RAB10: variants seen among roughly 807,000 people sequenced by gnomAD.
RAB10 encodes RAB10, member RAS oncogene family, also known as ras-related protein Rab-10.
A neutral mutation model predicts 25.7 loss-of-function variants in RAB10; 5 were observed. That is an observed-to-expected ratio of 0.19 (90% CI 0.10 to 0.41). RAB10 has a LOEUF of 0.41. Ranked by LOEUF, RAB10 falls within the 10% of genes least tolerant of loss-of-function variation. The pLI is 1.00. For synonymous variants in RAB10, 89 were observed against 86.4 expected, an observed-to-expected ratio of 1.03 and a Z score of -0.16; for missense variants, 103 against 245.8, an observed-to-expected ratio of 0.42 and a Z score of 3.89.
At chr2:26,107,435 A>T (rs532119232) in intron 2 of RAB10, among the ~76,000 whole-genome samples, 1 of 152,318 alleles carries the variant, frequency 6.6e-6, no homozygotes, top group East Asian at 1.9e-4. Flanking sequence ...TTTACAAGCC[A>T]GTGTATCTGA....
intron 2 of RAB10, among the ~76,000 whole-genome samples, chr2:26,108,875 CTTTA>C (rs1193596210): frequency 2.3e-5 from 3 of 132,548 alleles, no homozygotes; most frequent in Admixed American, 7.9e-5. Flanking sequence ...GGGTCTTTTG[CTTTA>C]TATTTATTTA....
At chr2:26,056,156 G>A (rs750424162) in intron 1 of RAB10, among the ~76,000 whole-genome samples, 17 of 152,062 alleles carry the variant, frequency 1.1e-4, no homozygotes, top group Non-Finnish European at 1.8e-4. Context: ...CTCCCAAAGT[G>A]TTGGGATTAC....
At chr2:26,118,644 G>C (rs946236954) in intron 3 of RAB10, among the ~76,000 whole-genome samples, 1 of 152,154 alleles carries the variant, frequency 6.6e-6, no homozygotes, top group Admixed American at 6.6e-5. Context: ...GTCAAGGACA[G>C]TTTTACATTT....
At chr2:26,100,686 G>T (rs781527432) in intron 2 of RAB10, among the ~76,000 whole-genome samples, 1 of 151,908 alleles carries the variant, frequency 6.6e-6, no homozygotes, top group African/African-American at 2.4e-5. Context: ...TGTGTTTTTT[G>T]GTAACATAAT....
chr2:26,134,714 A>G lies in RAB10; in HGVS notation c.520-224A>G, dbSNP rs1668074066. Among the ~76,000 whole-genome samples, 5 of 152,244 alleles carry G rather than the reference A, an allele frequency of 3.3e-5. No individual in the cohort carries two copies. The South Asian group carries it at 1.0e-3, about 31-fold the overall frequency. ...AAGATTTCAGAAGCTTTATAAAGGC[A>G]TGCCAGGAAATGTCTACAATATTTC... is the stretch of plus-strand genomic sequence containing the variant. On this transcript the variant is annotated intron_variant, in intron 5 of 5. Transcript: ENST00000264710.
chr2:26,049,549 C>T (rs186247379), intron 1 of RAB10, among the ~76,000 whole-genome samples: 27 of 152,028 alleles, frequency 1.8e-4, no homozygotes, highest in African/African-American at 6.3e-4. Flanking sequence ...GGTGGGATTA[C>T]AGGCACGCAC....
intron 1 of RAB10, among the ~76,000 whole-genome samples, chr2:26,059,292 T>A (rs1464535333): frequency 6.6e-6 from 1 of 152,216 alleles, no homozygotes; most frequent in Non-Finnish European, 1.5e-5. Context: ...TTCATTCGAA[T>A]GTTTGAATAG....
At chr2:26,060,583 C>T (rs192448198) in intron 1 of RAB10, among the ~76,000 whole-genome samples, 6 of 152,276 alleles carry the variant, frequency 3.9e-5, no homozygotes, top group Admixed American at 1.3e-4. Flanking sequence ...CCAACGTGCC[C>T]GGCCTGTTCT....
chr2:26,097,087 C>T (rs984775195), intron 1 of RAB10, among the ~76,000 whole-genome samples: 34 of 152,034 alleles, frequency 2.2e-4, no homozygotes, highest in African/African-American at 8.0e-4. Flanking sequence ...CATGGTGGCT[C>T]GTGCCTGTGG....
Position 26,128,037 on chromosome 2 carries a change from A to C in RAB10, c.519+86A>C. On this transcript the variant is annotated intron_variant, in intron 5 of 5. Transcript: ENST00000264710. ...ATTCTGAAGTACTGGATTTACATACAGAATTTGAGTTTGGGTGGTATTGTT... is the reference window on the plus strand; with the variant it reads ...ATTCTGAAGTACTGGATTTACATACCGAATTTGAGTTTGGGTGGTATTGTT... 11 of 1,190,384 alleles carry C rather than the reference A, an allele frequency of 9.2e-6. 1 individual carries two copies. In the South Asian group the frequency reaches 1.4e-4, roughly 15 times the overall value. The allele number at this position is 1,190,384 out of a possible 1,614,324, so 73.7% of individuals were successfully genotyped here. A position where few individuals can be genotyped will look rare whatever the true frequency, so the allele number is the denominator to read the frequency against.
Position 26,034,548 on chromosome 2 carries a change from G to T in RAB10, c.-61G>T, listed in dbSNP as rs1665720726. The T allele has an allele frequency of 1.2e-6, 2 of 1,605,872 alleles. No individual in the cohort carries two copies. Among genetic ancestry groups the T allele is most frequent in the Non-Finnish European group, 1.7e-6 (2 of 1,176,426 alleles). ...AGAACGCCCGAGTGAGGAGTTGGCC[G>T]TAGTGAGAGGGACCGATCCCTTGGG... On this transcript the variant is annotated 5_prime_UTR_variant, in exon 1 of 6. Coordinates refer to ENST00000264710, the MANE Select transcript of RAB10 (RefSeq NM_016131.5).
chr2:26,078,780 T>C (rs762023122), intron 1 of RAB10, among the ~76,000 whole-genome samples: 1 of 152,062 alleles, frequency 6.6e-6, no homozygotes, highest in Non-Finnish European at 1.5e-5. Context: ...GAACATATTA[T>C]ATAGAGGAGC....
At chr2:26,127,279 G>A in intron 4 of RAB10, 46 bp downstream of exon 4, 2 of 1,340,736 alleles carry the variant, frequency 1.5e-6, no homozygotes, top group Non-Finnish European at 2.1e-6. Context: ...CTTTGTAAAG[G>A]TAATGCTACT....
At position 26,034,242 on chromosome 2, in the gene RAB10, G is replaced by T; in HGVS notation, c.-367G>T. ...GCTAGCAGGGAGTTTCCGCTCGGGA[G>T]AGAGACTGTCCTCACGCCCGCTGCG... is the stretch of plus-strand genomic sequence containing the variant. On this transcript the variant is annotated 5_prime_UTR_variant, in exon 1 of 6. Transcript: ENST00000264710. The T allele has an allele frequency of 2.1e-6, 1 of 470,302 alleles. No individual in the cohort carries two copies. The highest frequency in any genetic ancestry group is 2.0e-5 in the African/African-American group (1 of 50,766). The allele number at this position is 470,302 out of a possible 1,614,324, so 29.1% of individuals were successfully genotyped here.
Position 26,042,314 on chromosome 2 carries a change from G to A in RAB10, c.127+7579G>A, listed in dbSNP as rs571693225. On this transcript the variant is annotated intron_variant, in intron 1 of 5. Coordinates refer to ENST00000264710, the MANE Select transcript of RAB10 (RefSeq NM_016131.5). ...GATTTTGCTAAGTTTTGGAAGAGTAGGTTGGTTCCACTAACCTGCATTTAA... is the reference window on the plus strand; with the variant it reads ...GATTTTGCTAAGTTTTGGAAGAGTAAGTTGGTTCCACTAACCTGCATTTAA... Among the ~76,000 whole-genome samples the A allele has an allele frequency of 2.0e-5, 3 of 152,220 alleles. No individual in the cohort carries two copies. In the South Asian group the frequency reaches 6.2e-4, roughly 32 times the overall value.
intron 2 of RAB10, chr2:26,101,617 C>T (rs1191600086): frequency 5.3e-5 from 8 of 152,360 alleles, no homozygotes; most frequent in African/African-American, 1.9e-4. Context: ...AGGCCACCAG[C>T]ACAGAGCTGC....
At chr2:26,091,989 T>A (rs1361033773) in intron 1 of RAB10, among the ~76,000 whole-genome samples, 1 of 151,964 alleles carries the variant, frequency 6.6e-6, no homozygotes, top group East Asian at 1.9e-4. Context: ...CTGGCCAACA[T>A]GGTGAAACCC....
chr2:26,086,854 G>A (rs1422962472), intron 1 of RAB10, among the ~76,000 whole-genome samples: 1 of 152,170 alleles, frequency 6.6e-6, no homozygotes, highest in Non-Finnish European at 1.5e-5. Context: ...CATACTAAGT[G>A]AAAGAAGCCA....
chr2:26,034,069 T>A (rs754231497), upstream of RAB10: 9 of 402,224 alleles, frequency 2.2e-5, no homozygotes, highest in Non-Finnish European at 4.0e-5. Context: ...AGGGCGGGCG[T>A]ACGCCCTTGC....
Sources: gnomAD v4.1 joint callset for allele counts (sites outside exome capture counted in the v4.1 genomes callset) on GRCh38, gnomAD v4.1.1 for gene constraint, MANE v1.5 for transcripts, NCBI Gene and HGNC (gene_info 2026-07-23, HGNC 2026-07-21) for gene names.